BCAT1: variants seen among roughly 807,000 people sequenced by gnomAD.
BCAT1 encodes branched-chain-amino-acid aminotransferase, cytosolic.
BCAT1 carries 48 observed loss-of-function variants against 52.4 expected under a neutral mutation model. The observed-to-expected ratio is 0.92, with a 90% CI of 0.73 to 1.16. BCAT1 has a LOEUF of 1.16. BCAT1 is among the 50% of genes most tolerant of loss of function. The probability of loss-of-function intolerance (pLI) is 0.00; values close to 1 mark genes in which losing one functional copy is unlikely to be tolerated. For missense variants in BCAT1, 451 were observed against 457.1 expected, an observed-to-expected ratio of 0.99 and a Z score of 0.12; for synonymous variants, 167 against 161.3, an observed-to-expected ratio of 1.04 and a Z score of -0.27.
chr12:24,867,496 C>T (rs1308187290), intron 5 of BCAT1, among the ~76,000 whole-genome samples: 1 of 152,084 alleles, frequency 6.6e-6, no homozygotes, highest in African/African-American at 2.4e-5. Flanking sequence ...GCATTGGTGA[C>T]ACATGTTGAG....
intron 9 of BCAT1, chr12:24,830,177 C>G: frequency 3.4e-6 from 1 of 291,790 alleles, no homozygotes; most frequent in Non-Finnish European, 6.3e-6. Flanking sequence ...ATTTGAAGAA[C>G]CAAGGAGGAG....
chr12:24,851,834 T>C (rs1941522910), intron 5 of BCAT1, among the ~76,000 whole-genome samples: 1 of 152,186 alleles, frequency 6.6e-6, no homozygotes, highest in South Asian at 2.1e-4. Context: ...TTAACCATCT[T>C]ATCTCTGCAC....
At chr12:24,948,263 C>A (rs1453997219) in intron 1 of BCAT1, among the ~76,000 whole-genome samples, 3 of 152,344 alleles carry the variant, frequency 2.0e-5, no homozygotes, top group African/African-American at 7.2e-5. Context: ...CGGTGTACAT[C>A]CCTACACCTA....
chr12:24,943,360 GCACATGCCTGTGGTCC>G (rs901344552), intron 1 of BCAT1, among the ~76,000 whole-genome samples: 1 of 151,916 alleles, frequency 6.6e-6, no homozygotes, highest in Non-Finnish European at 1.5e-5. Context: ...GGGCGTGGTG[GCACATGCCTGTGGTCC>G]CAGCTACTCA....
chr12:24,840,728 C>T lies in BCAT1; in HGVS notation c.817+1354G>A, dbSNP rs184153614. 2.4e-4 allele frequency among the ~76,000 whole-genome samples: 37 copies of T among 152,314 alleles called. No individual in the cohort carries two copies. In the East Asian group the frequency reaches 5.8e-3, roughly 24 times the overall value. On this transcript the variant is annotated intron_variant, in intron 7 of 10. Transcript: ENST00000261192. ...TCTGAATTCAGCCACATCTAAATTA[C>T]CATTTTCCTCTTTTTGTAGCCAAAT...
At chr12:24,887,080 A>AAAAAAAAAAAAAAAAAAAT (rs1245203518) in intron 3 of BCAT1, among the ~76,000 whole-genome samples, 3 of 40,748 alleles carry the variant, frequency 7.4e-5, no homozygotes, top group African/African-American at 2.3e-4. Flanking sequence ...AAAAAAAAAA[A>AAAAAAAAAAAAAAAAAAAT]ATATATATAT....
intron 1 of BCAT1, among the ~76,000 whole-genome samples, chr12:24,944,169 T>C (rs1288873632): frequency 2.0e-5 from 3 of 152,196 alleles, no homozygotes; most frequent in Non-Finnish European, 4.4e-5. Context: ...TCATGTATTA[T>C]GCTTCCCCAT....
chr12:24,870,069 G>A (rs906699477), intron 5 of BCAT1, among the ~76,000 whole-genome samples: 6 of 151,978 alleles, frequency 3.9e-5, no homozygotes, highest in African/African-American at 1.5e-4. Context: ...GGAATTGCTT[G>A]GAAGGAGATG....
intron 6 of BCAT1, among the ~76,000 whole-genome samples, chr12:24,844,239 C>T (rs1941263959): frequency 6.6e-6 from 1 of 151,232 alleles, no homozygotes; most frequent in Admixed American, 6.6e-5. Context: ...ACCATCCTGA[C>T]CAACATGGAG....
chr12:24,863,261 G>A (rs965255036), intron 5 of BCAT1, among the ~76,000 whole-genome samples: 1 of 152,142 alleles, frequency 6.6e-6, no homozygotes. Flanking sequence ...GTTAATATAA[G>A]GATTACATTA....
intron 6 of BCAT1, among the ~76,000 whole-genome samples, chr12:24,842,719 C>A (rs566404349): frequency 6.6e-6 from 1 of 152,056 alleles, no homozygotes; most frequent in East Asian, 1.9e-4. Context: ...TTAATGTATC[C>A]AAGGAATACA....
intron 1 of BCAT1, among the ~76,000 whole-genome samples, chr12:24,928,921 T>C (rs1943638173): frequency 6.6e-6 from 1 of 151,962 alleles, no homozygotes; most frequent in Non-Finnish European, 1.5e-5. Context: ...TTTTATTTTA[T>C]TTTATTGTAT....
intron 1 of BCAT1, among the ~76,000 whole-genome samples, chr12:24,943,767 G>A (rs2352747): frequency 7.0e-4 from 107 of 152,126 alleles, no homozygotes; most frequent in Admixed American, 1.3e-3. Context: ...GGCAGATCAC[G>A]AGGTCAGGAG....
intron 1 of BCAT1, among the ~76,000 whole-genome samples, chr12:24,933,701 G>GAC (rs1943712183): frequency 6.6e-6 from 1 of 152,074 alleles, no homozygotes; most frequent in African/African-American, 2.4e-5. Context: ...ATTCAGAACA[G>GAC]ACACACACAG....
intron 6 of BCAT1, among the ~76,000 whole-genome samples, chr12:24,846,902 C>A (rs1260292455): frequency 6.6e-6 from 1 of 152,170 alleles, no homozygotes; most frequent in African/African-American, 2.4e-5. Context: ...CTAAAAACAA[C>A]CCTAGACTTT....
At chr12:24,887,833 T>C (rs1164539292) in intron 3 of BCAT1, among the ~76,000 whole-genome samples, 1 of 152,200 alleles carries the variant, frequency 6.6e-6, no homozygotes, top group African/African-American at 2.4e-5. Flanking sequence ...CTCCACTATT[T>C]GAAACCTTCA....
At position 24,814,387 on chromosome 12, in the gene BCAT1, A is replaced by C. The variant is rs555646410; in HGVS notation, c.*3621T>G. The C allele has an allele frequency of 6.7e-6, 1 of 148,390 alleles. No homozygotes were observed. The highest frequency in any genetic ancestry group is 2.0e-4 in the East Asian group (1 of 5,006). The allele number at this position is 148,390 out of a possible 1,614,324, so 9.2% of individuals were successfully genotyped here. A position where few individuals can be genotyped will look rare whatever the true frequency, so the allele number is the denominator to read the frequency against. The stretch of plus-strand genomic sequence containing the variant: ...TTCTGCTGAAAATTCATCTTTCCCA[A>C]TCATAAGGGGAAACCAAATATGCAA... On this transcript the variant is annotated 3_prime_UTR_variant, in exon 11 of 11. Coordinates refer to ENST00000261192, the MANE Select transcript of BCAT1 (RefSeq NM_005504.7).
intron 3 of BCAT1, among the ~76,000 whole-genome samples, chr12:24,888,853 C>T (rs1942758449): frequency 6.6e-6 from 1 of 152,210 alleles, no homozygotes; most frequent in Admixed American, 6.5e-5. Context: ...AAGCTGCAGA[C>T]ATAGATATCC....
At position 24,832,809 on chromosome 12, in the gene BCAT1, G is replaced by T; in HGVS notation, c.958C>A (p.Leu320Met). ...ATCTCTCTCACTCTGTTCCCCTCCA[G>T]GGCTGTTGTCAAGTCATCCATGGTG... ...YLTMDDLTTA[L>M]EGNRVREMFG... The change falls in exon 9 of 11, where the codon CTG becomes ATG. Residue 320 changes from leucine to methionine, a missense_variant. Transcript: ENST00000261192. 1 of 1,612,302 alleles carries T rather than the reference G, an allele frequency of 6.2e-7. No homozygotes were observed.
Sources: allele counts gnomAD v4.1 joint callset (sites outside exome capture counted in the v4.1 genomes callset), GRCh38; gene constraint gnomAD v4.1.1; transcripts MANE v1.5; gene names NCBI Gene and HGNC (gene_info 2026-07-23, HGNC 2026-07-21).